Variants in NLRP9 observed in about 807,000 individuals in gnomAD.
The protein encoded by NLRP9 is NACHT, LRR and PYD domains-containing protein 9.
NLRP9 carries 88 observed loss-of-function variants against 83.1 expected under a neutral mutation model. The observed-to-expected ratio is 1.06, with a 90% CI of 0.89 to 1.26. The LOEUF is 1.26. Ranked by LOEUF, NLRP9 falls within the 50% of genes most tolerant of loss-of-function variation. The probability of loss-of-function intolerance (pLI) is 0.00; values close to 1 mark genes in which losing one functional copy is unlikely to be tolerated. For synonymous variants in NLRP9, 521 were observed against 447.6 expected (o/e 1.16, Z -2.07); for missense variants, 1,308 against 1,179.3 (o/e 1.11, Z -1.60).
chr19:55,732,606 C>T lies in NLRP9; in HGVS notation c.1225G>A (p.Val409Ile). The change falls in exon 2 of 9, where the codon GTA becomes ATA. Residue 409 changes from valine (V) to isoleucine (I), a missense_variant. By Grantham distance (29) the Val-to-Ile change is conservative. Coordinates refer to ENST00000332836, the MANE Select transcript of NLRP9 (RefSeq NM_176820.4). ...CTCCGGAGATCCCCATGGGAAAATA[C>T]AAATGTATATGTCCAAATTCCCTCT... is the stretch of plus-strand genomic sequence containing the variant. ...AAEGIWTYTFVFSHGDLRRNG... is the reference protein window; with the variant it reads ...AAEGIWTYTFIFSHGDLRRNG... The T allele has an allele frequency of 6.2e-7, 1 of 1,614,192 alleles. No homozygotes were observed. The highest frequency in any genetic ancestry group is 1.1e-5 in the South Asian group (1 of 91,080).
intron 3 of NLRP9, among the ~76,000 whole-genome samples, chr19:55,725,381 G>A (rs370942650): frequency 1.2e-4 from 19 of 152,270 alleles, no homozygotes; most frequent in South Asian, 1.0e-3. Flanking sequence ...GACTCCTGGC[G>A]TTACAGCAGA....
At chr19:55,729,050 CTTTTTTTTTTTTT>C (rs374589373) in intron 3 of NLRP9, among the ~76,000 whole-genome samples, 6 of 70,250 alleles carry the variant, frequency 8.5e-5, no homozygotes, top group East Asian at 7.9e-4. Flanking sequence ...TTTTCTTTTT[CTTTTTTTTTTTTT>C]TTTTTTTTTT....
chr19:55,709,199 T>A, intron 8 of NLRP9, 155 bp from the exon 9 acceptor site: 1 of 508,462 alleles, frequency 2.0e-6, no homozygotes, highest in Non-Finnish European at 3.3e-6. Flanking sequence ...CATGAATCTT[T>A]CCTATAGGAT....
In NLRP9 at chr19:55,724,991, G is replaced by A. The variant is rs570188483; in HGVS notation, c.1995-847C>T. 2.7e-4 allele frequency among the ~76,000 whole-genome samples: 41 copies of A among 152,070 alleles called. No homozygotes were observed. The South Asian group carries it at 5.8e-3, about 22-fold the overall frequency. On this transcript the variant is annotated intron_variant, in intron 3 of 8. Transcript: ENST00000332836. The stretch of plus-strand genomic sequence containing the variant: ...GGAAAATCACTTGAACCCAGGAGGC[G>A]GAGGCTGCAGTGAGCCGAGATGGTG...
rs907786545 is a variant in NLRP9 at position 55,738,176 on chromosome 19, G to C, written c.199C>G (p.Gln67Glu). The change falls in exon 1 of 9, where the codon CAG (glutamine) becomes GAG (glutamate). Residue 67 changes from glutamine (Q) to glutamate (E), a missense_variant. Gln to Glu is a conservative substitution (Grantham distance 29, BLOSUM62 2). Transcript: ENST00000332836. ...AGGTTCAGTGTTACCTCCCATGCCT[G>C]CTTTCCTGGGTAATGTTTGTCCAGC... Reference protein sequence around the residue: ...KLLDKHYPGKQAWEVTLNLFL... With the variant: ...KLLDKHYPGKEAWEVTLNLFL... 2 of 1,614,072 alleles carry C rather than the reference G, an allele frequency of 1.2e-6. No individual in the cohort carries two copies. Among genetic ancestry groups the C allele is most frequent in the Non-Finnish European group, 1.7e-6 (2 of 1,179,958 alleles).
chr19:55,732,666 T>C lies in NLRP9; in HGVS notation c.1165A>G (p.Arg389Gly). The C allele has an allele frequency of 6.2e-7, 1 of 1,614,248 alleles. No individual in the cohort carries two copies. Among genetic ancestry groups the C allele is most frequent in the Middle Eastern group, 1.6e-4 (1 of 6,062 alleles). ...GSQSFPPKVN[R>G]ARLKSLCALA... is the part of the protein sequence containing the mutation. ...GCACACAGGCTTTTTAGTCGGGCTC[T>C]GTTCACCTTAGGTGGAAAACTCTGA... The change falls in exon 2 of 9, where the codon AGA (arginine) becomes GGA (glycine). Residue 389 changes from arginine to glycine, a missense_variant. By Grantham distance (125) the Arg-to-Gly change is moderately radical. Coordinates refer to ENST00000332836, the MANE Select transcript of NLRP9 (RefSeq NM_176820.4).
chr19:55,736,705 A>G (rs1007852601), intron 1 of NLRP9, among the ~76,000 whole-genome samples: 9 of 151,884 alleles, frequency 5.9e-5, no homozygotes, highest in Admixed American at 3.3e-4. Flanking sequence ...GTGGTGGTGC[A>G]TGCCTGTAAT....
At chr19:55,734,637 ATTTTTT>A (rs201490500) in intron 1 of NLRP9, among the ~76,000 whole-genome samples, 1 of 106,950 alleles carries the variant, frequency 9.4e-6, no homozygotes, top group Non-Finnish European at 2.2e-5. Flanking sequence ...ATATATATAT[ATTTTTT>A]TTTTTTTTGA....
intron 8 of NLRP9, 53 bp downstream of exon 8, chr19:55,711,747 G>T: frequency 6.4e-7 from 1 of 1,571,352 alleles, no homozygotes; most frequent in Non-Finnish European, 8.7e-7. Context: ...AATGGCCAAT[G>T]AACTAAGCTC....
intron 3 of NLRP9, among the ~76,000 whole-genome samples, chr19:55,725,133 A>G (rs1331227645): frequency 1.3e-5 from 2 of 152,224 alleles, no homozygotes; most frequent in African/African-American, 2.4e-5. Context: ...TTTAATATCT[A>G]CATGTATATG....
At position 55,729,050 on chromosome 19, in the gene NLRP9, C is replaced by CTTTTTTTT. The variant is rs374589373; in HGVS notation, c.1994+773_1994+780dup. Among the ~76,000 whole-genome samples the CTTTTTTTT allele has an allele frequency of 7.8e-4, 55 of 70,228 alleles. 1 individual carries two copies. The highest frequency in any genetic ancestry group is 1.2e-3 in the South Asian group (2 of 1,682). 46.1% of individuals were successfully genotyped at this position (70,228 alleles called of 152,430 possible). On this transcript the variant is annotated intron_variant, in intron 3 of 8. Transcript: ENST00000332836. ...TTATGCTTATCTTATTTTTCTTTTTCTTTTTTTTTTTTTTTTTTTTTTTAC... is the reference window on the plus strand; with the variant it reads ...TTATGCTTATCTTATTTTTCTTTTTCTTTTTTTTTTTTTTTTTTTTTTTTTTTTTTTAC...
At chr19:55,713,065 C>T (rs1456722293) in intron 6 of NLRP9, among the ~76,000 whole-genome samples, 2 of 150,018 alleles carry the variant, frequency 1.3e-5, no homozygotes, top group Admixed American at 1.3e-4. Context: ...TGCACTTCTT[C>T]TCTCCTGCCT....
chr19:55,722,200 G>T (rs1271332206), intron 4 of NLRP9, among the ~76,000 whole-genome samples: 1 of 151,968 alleles, frequency 6.6e-6, no homozygotes, highest in Admixed American at 6.6e-5. Flanking sequence ...ACCCCAAAAG[G>T]CAACATTCCC....
chr19:55,736,645 C>G (rs2122344411), intron 1 of NLRP9, among the ~76,000 whole-genome samples: 1 of 151,838 alleles, frequency 6.6e-6, no homozygotes, highest in South Asian at 2.1e-4. Flanking sequence ...ACCAGCCTGA[C>G]CAACATGGTG....
intron 5 of NLRP9, 74 bp from the exon 6 acceptor site, chr19:55,715,299 C>CA: frequency 7.6e-7 from 1 of 1,308,598 alleles, no homozygotes; most frequent in Non-Finnish European, 1.1e-6. Context: ...CACCATCTCC[C>CA]AGCCCACTGA....
intron 4 of NLRP9, among the ~76,000 whole-genome samples, chr19:55,717,619 A>T (rs1342960249): frequency 6.6e-6 from 1 of 152,228 alleles, no homozygotes; most frequent in Non-Finnish European, 1.5e-5. Context: ...TACAAGAAAT[A>T]GGAAAACCCA....
intron 1 of NLRP9, among the ~76,000 whole-genome samples, chr19:55,735,356 G>A (rs1414886996): frequency 6.7e-6 from 1 of 149,324 alleles, no homozygotes; most frequent in Non-Finnish European, 1.5e-5. Flanking sequence ...GGAGTGCTGA[G>A]GCAGGAGGAG....
rs569129948 is a variant in NLRP9 at position 55,730,184 on chromosome 19, T to A, written c.1833-192A>T. ...GAAAGTAGGCCCTGGCCAGGTAGAG[T>A]GGCTCAAGCCTGTAATTCCAGCACT... On this transcript the variant is annotated intron_variant, in intron 2 of 8. Coordinates refer to ENST00000332836, the MANE Select transcript of NLRP9 (RefSeq NM_176820.4). 4.6e-5 allele frequency among the ~76,000 whole-genome samples: 7 copies of A among 152,076 alleles called. No individual in the cohort carries two copies. The South Asian group carries it at 8.3e-4, about 18-fold the overall frequency.
At chr19:55,731,792 A>G (rs1988578524) in intron 2 of NLRP9, among the ~76,000 whole-genome samples, 1 of 151,954 alleles carries the variant, frequency 6.6e-6, no homozygotes, top group African/African-American at 2.4e-5. Flanking sequence ...AGTAGACAAA[A>G]CTTTTATTTC....
Sources: gnomAD v4.1 joint callset for allele counts (sites outside exome capture counted in the v4.1 genomes callset) on GRCh38, gnomAD v4.1.1 for gene constraint, MANE v1.5 for transcripts, NCBI Gene and HGNC (gene_info 2026-07-23, HGNC 2026-07-21) for gene names.